The following NKIRAS1 variants were observed in gnomAD, a reference collection of about 807,000 sequenced individuals.
The protein encoded by NKIRAS1 is NFKB inhibitor interacting Ras like 1.
NKIRAS1 carries 16 observed loss-of-function variants against 19.8 expected under a neutral mutation model. That is an observed-to-expected ratio of 0.81 (90% CI 0.55 to 1.23). NKIRAS1 has a LOEUF of 1.23. Ranked by LOEUF, NKIRAS1 falls within the 50% of genes most tolerant of loss-of-function variation. The pLI is 0.00. For synonymous variants in NKIRAS1, 88 were observed against 79.0 expected (o/e 1.11, Z -0.61); for missense variants, 184 against 220.0 (o/e 0.84, Z 1.04).
intron 1 of NKIRAS1, among the ~76,000 whole-genome samples, chr3:23,945,839 T>C (rs1052872611): frequency 1.7e-4 from 25 of 150,216 alleles, no homozygotes; most frequent in South Asian, 4.2e-4. Context: ...CCCCCTCACA[T>C]GGCCCGGCCG....
At chr3:23,908,659 T>C (rs1015170877) in intron 3 of NKIRAS1, among the ~76,000 whole-genome samples, 6 of 152,128 alleles carry the variant, frequency 3.9e-5, no homozygotes, top group African/African-American at 1.4e-4. Context: ...ATAAGTAGTT[T>C]ACAAATGTCT....
chr3:23,941,845 G>T (rs866126462), intron 1 of NKIRAS1, among the ~76,000 whole-genome samples: 1 of 152,190 alleles, frequency 6.6e-6, no homozygotes, highest in Non-Finnish European at 1.5e-5. Context: ...TTATTTTATA[G>T]ACACTATCAT....
chr3:23,900,745 G>A, intron 4 of NKIRAS1, 63 bp downstream of exon 4: 1 of 1,312,828 alleles, frequency 7.6e-7, no homozygotes, highest in South Asian at 1.2e-5. Context: ...CTACCCAAAA[G>A]TCTGTGCTAT....
chr3:23,924,176 G>A (rs1486798851), intron 1 of NKIRAS1: 2 of 152,226 alleles, frequency 1.3e-5, no homozygotes, highest in Admixed American at 1.3e-4. Flanking sequence ...TGTGTCAAAC[G>A]ACTGCATTAG....
intron 1 of NKIRAS1, among the ~76,000 whole-genome samples, chr3:23,929,353 G>A (rs1002134197): frequency 2.6e-5 from 4 of 152,058 alleles, no homozygotes; most frequent in African/African-American, 9.7e-5. Flanking sequence ...CACAGAGCAA[G>A]ATTCCATCTC....
At chr3:23,895,341 G>A (rs1701877077) in intron 4 of NKIRAS1, among the ~76,000 whole-genome samples, 1 of 152,098 alleles carries the variant, frequency 6.6e-6, no homozygotes, top group African/African-American at 2.4e-5. Context: ...TGCTCTCTAT[G>A]ATCTCAGTTC....
chr3:23,931,591 A>G (rs769587789), intron 1 of NKIRAS1, among the ~76,000 whole-genome samples: 19 of 152,072 alleles, frequency 1.2e-4, no homozygotes, highest in Non-Finnish European at 2.2e-4. Flanking sequence ...CTTATTGTTT[A>G]TCTAGCCACC....
chr3:23,907,320 T>C (rs1468216727), intron 3 of NKIRAS1, among the ~76,000 whole-genome samples: 6 of 152,206 alleles, frequency 3.9e-5, no homozygotes, highest in Admixed American at 6.5e-5. Context: ...TTAAGGCTTC[T>C]GGTCAACAGT....
rs1044710384 is a variant in NKIRAS1 at position 23,946,147 on chromosome 3, T to A, written c.-140+176A>T. 4 of 984,688 alleles carry A rather than the reference T, an allele frequency of 4.1e-6. No individual in the cohort carries two copies. The East Asian group carries it at 3.5e-4, about 85-fold the overall frequency. The allele number at this position is 984,688 out of a possible 1,614,324, so 61.0% of individuals were successfully genotyped here. ...CCTCCTCCCCCGCGGGGTTGCACACTGCGGAGGAGGCCGCGCGTGCGCGCC... is the reference window on the plus strand; with the variant it reads ...CCTCCTCCCCCGCGGGGTTGCACACAGCGGAGGAGGCCGCGCGTGCGCGCC... On this transcript the variant is annotated intron_variant, in intron 1 of 4. Transcript: ENST00000421515.
At chr3:23,945,068 G>A (rs575089183) in intron 1 of NKIRAS1, among the ~76,000 whole-genome samples, 137 of 151,926 alleles carry the variant, frequency 9.0e-4, no homozygotes, top group African/African-American at 3.1e-3. Context: ...CGGAGAAGAG[G>A]TTTACGGCAC....
upstream of NKIRAS1, chr3:23,921,564 T>A: frequency 4.4e-6 from 3 of 680,426 alleles, no homozygotes; most frequent in Middle Eastern, 3.8e-4. Flanking sequence ...CAACATTGAT[T>A]ATTGAGTTTT....
intron 1 of NKIRAS1, chr3:23,924,007 G>A (rs560457712): frequency 6.6e-6 from 1 of 152,264 alleles, no homozygotes; most frequent in East Asian, 1.9e-4. Context: ...CATTTAGGTT[G>A]GGGTCATATT....
intron 4 of NKIRAS1, among the ~76,000 whole-genome samples, chr3:23,894,033 C>G (rs1016225914): frequency 1.3e-5 from 2 of 152,102 alleles, no homozygotes; most frequent in African/African-American, 4.8e-5. Context: ...TCCATGAGAA[C>G]AGGAATTGTT....
At chr3:23,942,749 CTTCT>C (rs1705528562) in intron 1 of NKIRAS1, among the ~76,000 whole-genome samples, 1 of 152,062 alleles carries the variant, frequency 6.6e-6, no homozygotes, top group African/African-American at 2.4e-5. Flanking sequence ...TTAGGATACA[CTTCT>C]TTTTTTTTTC....
chr3:23,921,651 T>A, upstream of NKIRAS1: 1 of 595,400 alleles, frequency 1.7e-6, no homozygotes, highest in Non-Finnish European at 3.1e-6. Context: ...CACGGCTCAC[T>A]GCAACCTCTG....
intron 4 of NKIRAS1, among the ~76,000 whole-genome samples, chr3:23,899,270 T>C (rs551111603): frequency 6.6e-6 from 1 of 152,274 alleles, no homozygotes; most frequent in East Asian, 1.9e-4. Context: ...TCAACACAAA[T>C]ACGGTGGTTA....
In NKIRAS1 at chr3:23,914,508, T is replaced by C. The variant is rs185256022; in HGVS notation, c.-140+2276A>G. 3.8e-3 allele frequency among the ~76,000 whole-genome samples: 573 copies of C among 152,340 alleles called. 6 individuals are homozygous for C. Among genetic ancestry groups the C allele is most frequent in the Non-Finnish European group, 2.9e-3 (195 of 68,028 alleles). The stretch of plus-strand genomic sequence containing the variant: ...TCACTTATCCATATATGAATATATT[T>C]ACATACATAAAAATATATTCAACAG... On this transcript the variant is annotated intron_variant, in intron 1 of 4. Transcript: ENST00000425478.
chr3:23,916,311 A>C (rs139598288), intron 1 of NKIRAS1: 1 of 147,426 alleles, frequency 6.8e-6, no homozygotes, highest in Non-Finnish European at 1.5e-5. Context: ...TTCTCAATTT[A>C]AAAAAAAACC....
chr3:23,909,633 A>G (rs752266271), intron 3 of NKIRAS1, among the ~76,000 whole-genome samples: 108 of 152,280 alleles, frequency 7.1e-4, no homozygotes, highest in Non-Finnish European at 1.2e-3. Flanking sequence ...TGTGATATCT[A>G]TCTTCCTTAC....
Sources: gnomAD v4.1 joint callset for allele counts (sites outside exome capture counted in the v4.1 genomes callset) on GRCh38, gnomAD v4.1.1 for gene constraint, MANE v1.5 for transcripts, NCBI Gene and HGNC (gene_info 2026-07-23, HGNC 2026-07-21) for gene names.